Variants in DOCK3 observed in about 807,000 individuals in gnomAD.
DOCK3 encodes the protein dedicator of cytokinesis protein 3.
Under a neutral mutation model 265.6 loss-of-function variants are expected in DOCK3, and 60 were observed. That is an observed-to-expected ratio of 0.23 (90% CI 0.18 to 0.28). The LOEUF (loss-of-function observed/expected upper bound fraction) is 0.28. Ranked by LOEUF, DOCK3 falls within the 10% of genes least tolerant of loss-of-function variation. The pLI is 1.00. For missense variants in DOCK3, 1,981 were observed against 2,594.3 expected, an observed-to-expected ratio of 0.76 and a Z score of 5.14; for synonymous variants, 881 against 938.0, an observed-to-expected ratio of 0.94 and a Z score of 1.11.
chr3:50,828,398 CTTTTCTTTTCTT>C (rs1036714545), intron 2 of DOCK3, among the ~76,000 whole-genome samples: 1 of 151,936 alleles, frequency 6.6e-6, no homozygotes, highest in African/African-American at 2.4e-5. Flanking sequence ...ATTTTTTACC[CTTTTCTTTTCTT>C]TTTTCTTTTT....
chr3:50,908,196 GCT>G (rs2049646262), intron 4 of DOCK3, among the ~76,000 whole-genome samples: 1 of 122,426 alleles, frequency 8.2e-6, no homozygotes, highest in South Asian at 2.6e-4. Context: ...TTTTTGAAGG[GCT>G]TTTTTTTTTT....
At chr3:51,125,054 G>T (rs185374652) in intron 9 of DOCK3, among the ~76,000 whole-genome samples, 1 of 151,416 alleles carries the variant, frequency 6.6e-6, no homozygotes. Flanking sequence ...CAGAAGAATC[G>T]CTTGAACCTA....
chr3:51,322,411 G>T (rs953360011), intron 32 of DOCK3, among the ~76,000 whole-genome samples: 1 of 152,052 alleles, frequency 6.6e-6, no homozygotes, highest in Non-Finnish European at 1.5e-5. Flanking sequence ...CACCATGTTA[G>T]CCAGGATGGT....
At chr3:51,255,468 A>C (rs568893721) in intron 22 of DOCK3, among the ~76,000 whole-genome samples, 1 of 152,316 alleles carries the variant, frequency 6.6e-6, no homozygotes, top group African/African-American at 2.4e-5. Context: ...GTGTTTTCCA[A>C]CTTGGTTCCA....
intron 4 of DOCK3, among the ~76,000 whole-genome samples, chr3:50,918,275 A>G (rs1252419946): frequency 6.6e-6 from 1 of 152,162 alleles, no homozygotes; most frequent in Non-Finnish European, 1.5e-5. Flanking sequence ...ATATATACCC[A>G]GTAATGGGAT....
chr3:51,339,104 G>T, intron 37 of DOCK3, 76 bp downstream of exon 37: 1 of 1,286,996 alleles, frequency 7.8e-7, no homozygotes, highest in Admixed American at 2.8e-5. Flanking sequence ...GCAGAGAAAG[G>T]CTTCAGGCTG....
In DOCK3 at chr3:50,918,173, G is replaced by C. The variant is rs1440091715; in HGVS notation, c.219-15808G>C. On this transcript the variant is annotated intron_variant, in intron 4 of 52. Coordinates refer to ENST00000266037, the MANE Select transcript of DOCK3 (RefSeq NM_004947.5). ...CCAGTCTATCATTGATGGACATTTG[G>C]GTTGGTTCCAAGTCTTTGCTATTGT... 2.0e-5 allele frequency among the ~76,000 whole-genome samples: 3 copies of C among 152,040 alleles called. No individual in the cohort carries two copies. The South Asian group carries it at 6.2e-4, about 32-fold the overall frequency.
At chr3:50,900,762 G>T in intron 4 of DOCK3, 1 of 445,372 alleles carries the variant, frequency 2.2e-6, no homozygotes, top group Non-Finnish European at 4.5e-6. Context: ...GGAGTTTGCA[G>T]GAGGTCCACT....
rs566944071 is a variant in DOCK3 at position 50,675,436 on chromosome 3, G to C, written c.37+136G>C. 128 of 779,280 alleles carry C rather than the reference G, an allele frequency of 1.6e-4. No individual in the cohort carries two copies. In the African/African-American group the frequency reaches 2.2e-3, roughly 14 times the overall value. The allele number at this position is 779,280 out of a possible 1,614,324, so 48.3% of individuals were successfully genotyped here. A position where few individuals can be genotyped will look rare whatever the true frequency, so the allele number is the denominator to read the frequency against. On this transcript the variant is annotated intron_variant, in intron 1 of 52. Coordinates refer to ENST00000266037, the MANE Select transcript of DOCK3 (RefSeq NM_004947.5). The surrounding 1 kb of genome is among the most constrained non-coding windows in gnomAD (Gnocchi z 6.1). ...GGCCTCGGCGCGGGGCGAGCGCGGGGTGGGGGCAGGTGCGGGTGCGGGTGC... is the reference window on the plus strand; with the variant it reads ...GGCCTCGGCGCGGGGCGAGCGCGGGCTGGGGGCAGGTGCGGGTGCGGGTGC...
chr3:51,252,456 A>G (rs2079305673), intron 22 of DOCK3, among the ~76,000 whole-genome samples: 2 of 152,186 alleles, frequency 1.3e-5, no homozygotes, highest in South Asian at 4.1e-4. Context: ...CTTGGGCAGT[A>G]TGGCCATTTT....
intron 5 of DOCK3, among the ~76,000 whole-genome samples, chr3:50,936,382 AT>A (rs869055840): frequency 5.4e-4 from 80 of 149,344 alleles, no homozygotes; most frequent in African/African-American, 1.1e-3. Flanking sequence ...CCAAAAAAAA[AT>A]TTTTTTTTTT....
At chr3:51,288,905 T>G (rs573198391) in intron 27 of DOCK3, among the ~76,000 whole-genome samples, 47 of 140,628 alleles carry the variant, frequency 3.3e-4, no homozygotes, top group East Asian at 6.0e-4. Flanking sequence ...TGTGTGTGGG[T>G]GTGTGTGTGT....
intron 22 of DOCK3, among the ~76,000 whole-genome samples, chr3:51,249,893 A>G (rs1394031972): frequency 2.0e-5 from 3 of 148,404 alleles, no homozygotes; most frequent in Admixed American, 6.7e-5. Context: ...TGTAGAAAGA[A>G]GTAGACATGG....
chr3:50,834,030 A>G (rs1364829915), intron 2 of DOCK3, among the ~76,000 whole-genome samples: 1 of 152,052 alleles, frequency 6.6e-6, no homozygotes, highest in Non-Finnish European at 1.5e-5. Flanking sequence ...AAGCAAAGTC[A>G]AAAAGATTAC....
At chr3:51,221,303 C>T (rs1443661888) in intron 14 of DOCK3, among the ~76,000 whole-genome samples, 1 of 152,126 alleles carries the variant, frequency 6.6e-6, no homozygotes, top group Non-Finnish European at 1.5e-5. Context: ...TTTTGATGTG[C>T]AGTTGCAGTG....
chr3:50,932,518 T>C (rs2051125769), intron 4 of DOCK3, among the ~76,000 whole-genome samples: 1 of 152,210 alleles, frequency 6.6e-6, no homozygotes, highest in Non-Finnish European at 1.5e-5. Flanking sequence ...GTGGACATTA[T>C]AGAAATATTA....
chr3:51,008,232 G>A (rs1052705608), intron 5 of DOCK3, among the ~76,000 whole-genome samples: 4 of 152,148 alleles, frequency 2.6e-5, no homozygotes, highest in African/African-American at 4.8e-5. Context: ...CCATTTTCAC[G>A]ATATGGATTC....
At chr3:51,205,137 G>T (rs2089104058) in intron 12 of DOCK3, among the ~76,000 whole-genome samples, 2 of 151,840 alleles carry the variant, frequency 1.3e-5, no homozygotes, top group South Asian at 4.2e-4. Context: ...TGCACATTGT[G>T]CACATGTACG....
chr3:51,017,614 C>T (rs1575783750), intron 5 of DOCK3, among the ~76,000 whole-genome samples: 1 of 151,822 alleles, frequency 6.6e-6, no homozygotes, highest in Non-Finnish European at 1.5e-5. Flanking sequence ...TTCATTGACT[C>T]ACTTTTCATT....
Sources: gnomAD v4.1 joint callset for allele counts (sites outside exome capture counted in the v4.1 genomes callset) on GRCh38, gnomAD v4.1.1 for gene constraint, Gnocchi (gnomAD v3.1) non-coding constraint, MANE v1.5 for transcripts, NCBI Gene and HGNC (gene_info 2026-07-23, HGNC 2026-07-21) for gene names.